RASEF: variants seen among roughly 807,000 people sequenced by gnomAD.
RASEF encodes ras and EF-hand domain-containing protein.
Under a neutral mutation model 90.1 loss-of-function variants are expected in RASEF, and 68 were observed. That is an observed-to-expected ratio of 0.75 (90% CI 0.62 to 0.92). The LOEUF (loss-of-function observed/expected upper bound fraction) is 0.92, where lower values mean the gene tolerates loss of function less well. Among genes scored for constraint, RASEF ranks in the 40% least tolerant of loss-of-function variants. The pLI, the probability that RASEF is intolerant of heterozygous loss-of-function variation, is 0.00. For synonymous variants in RASEF, 331 were observed against 345.2 expected (o/e 0.96, Z 0.46); for missense variants, 949 against 937.2 (o/e 1.01, Z -0.16).
At chr9:83,046,140 T>G (rs1415443879) in intron 1 of RASEF, among the ~76,000 whole-genome samples, 1 of 152,162 alleles carries the variant, frequency 6.6e-6, no homozygotes, top group Non-Finnish European at 1.5e-5. Flanking sequence ...GTTACATAGG[T>G]AAACTCGTGT....
intron 16 of RASEF, among the ~76,000 whole-genome samples, chr9:82,987,364 G>A (rs534960280): frequency 1.3e-5 from 2 of 152,248 alleles, no homozygotes; most frequent in East Asian, 1.9e-4. Context: ...TAAATGATTC[G>A]CAAGAAGCTT....
At chr9:83,133,000 C>A in the RASEF span, among the ~76,000 whole-genome samples, 4 of 152,162 alleles carry the variant, frequency 2.6e-5, no homozygotes, top group African/African-American at 9.7e-5. Context: ...ATTTGCTTTG[C>A]CAATAATAGT....
intron 1 of RASEF, among the ~76,000 whole-genome samples, chr9:83,061,130 TA>T (rs994525200): frequency 6.6e-6 from 1 of 152,218 alleles, no homozygotes; most frequent in African/African-American, 2.4e-5. Context: ...ATGACTCAAA[TA>T]AAGAGTATAG....
At chr9:83,107,019 G>A in the RASEF span, among the ~76,000 whole-genome samples, 1 of 152,126 alleles carries the variant, frequency 6.6e-6, no homozygotes, top group African/African-American at 2.4e-5. Flanking sequence ...TTAAACAAAT[G>A]AGCAGCAACT....
intron 1 of RASEF, among the ~76,000 whole-genome samples, chr9:83,033,263 T>C (rs999636396): frequency 3.3e-5 from 5 of 152,144 alleles, no homozygotes; most frequent in Non-Finnish European, 7.4e-5. Flanking sequence ...ATGAGAGATC[T>C]TGAAAATGCT....
At chr9:83,070,829 G>C in the RASEF span, among the ~76,000 whole-genome samples, 2 of 152,002 alleles carry the variant, frequency 1.3e-5, no homozygotes, top group African/African-American at 4.8e-5. Context: ...TGATTTATAG[G>C]TCTTTCACAT....
At chr9:83,054,799 C>G (rs1830072600) in intron 1 of RASEF, 1 of 150,270 alleles carries the variant, frequency 6.7e-6, no homozygotes, top group South Asian at 2.1e-4. Flanking sequence ...TTGGAATACC[C>G]TGCCGTGTGA....
At chr9:83,069,160 T>G in the RASEF span, among the ~76,000 whole-genome samples, 5 of 152,320 alleles carry the variant, frequency 3.3e-5, no homozygotes, top group South Asian at 1.0e-3. Context: ...ATGAAATTAT[T>G]TCTTAATCAC....
chr9:83,056,724 G>A (rs1445452641), intron 1 of RASEF, among the ~76,000 whole-genome samples: 1 of 152,250 alleles, frequency 6.6e-6, no homozygotes, highest in African/African-American at 2.4e-5. Flanking sequence ...GGAAAAGCTA[G>A]AGAAGAGTCT....
chr9:83,001,098 C>T lies in RASEF; in HGVS notation c.1235G>A (p.Cys412Tyr). ...AGGATCACAGAGGGCCAGGGAGTCA[C>T]AGTCCTCATCCACATAGGAAGAGCG... ...SSRSSYVDED[C>Y]DSLALCDPLQ... The change falls in exon 10 of 17, where the codon TGT becomes TAT. Residue 412 changes from cysteine (C) to tyrosine (Y), a missense_variant. Cys to Tyr is a radical substitution (Grantham distance 194). This residue lies in a region of RASEF where 656 missense variants were observed against 592.2 expected (regional missense o/e 1.11). Coordinates refer to ENST00000376447, the MANE Select transcript of RASEF (RefSeq NM_152573.4). 6.2e-7 allele frequency: 1 copy of T among 1,614,076 alleles called. No individual in the cohort carries two copies. Among genetic ancestry groups the T allele is most frequent in the Middle Eastern group, 1.7e-4 (1 of 6,060 alleles).
the RASEF span, among the ~76,000 whole-genome samples, chr9:83,156,478 A>G: frequency 6.6e-6 from 1 of 151,938 alleles, no homozygotes; most frequent in Non-Finnish European, 1.5e-5. Flanking sequence ...TAGATCTTCA[A>G]CCCCTCTTCT....
At chr9:82,988,352 A>G (rs1828748400) in intron 16 of RASEF, among the ~76,000 whole-genome samples, 1 of 152,326 alleles carries the variant, frequency 6.6e-6, no homozygotes, top group Non-Finnish European at 1.5e-5. Flanking sequence ...ATATTAGTCC[A>G]TGATTCTCCT....
At chr9:83,023,783 T>C (rs2118566498) in intron 2 of RASEF, among the ~76,000 whole-genome samples, 1 of 152,274 alleles carries the variant, frequency 6.6e-6, no homozygotes, top group East Asian at 1.9e-4. Context: ...CACATATCCT[T>C]TCTCCCTCTG....
At chr9:83,012,045 G>A (rs1008358883) in intron 5 of RASEF, among the ~76,000 whole-genome samples, 1 of 151,746 alleles carries the variant, frequency 6.6e-6, no homozygotes, top group African/African-American at 2.4e-5. Flanking sequence ...AGTACTAAAA[G>A]TAGATGTGGC....
the RASEF span, among the ~76,000 whole-genome samples, chr9:83,146,381 T>TA: frequency 6.6e-6 from 1 of 152,218 alleles, no homozygotes; most frequent in East Asian, 1.9e-4. Context: ...TTTCTCCGAA[T>TA]AAAAAAGATT....
upstream of RASEF, among the ~76,000 whole-genome samples, chr9:83,064,115 ATCAT>A (rs1434988373): frequency 3.9e-5 from 6 of 152,270 alleles, no homozygotes; most frequent in East Asian, 1.9e-4. Flanking sequence ...TAAAAATGTG[ATCAT>A]TAAGTAAGGG....
At chr9:83,101,570 G>A in the RASEF span, among the ~76,000 whole-genome samples, 13 of 152,294 alleles carry the variant, frequency 8.5e-5, no homozygotes, top group African/African-American at 3.1e-4. Context: ...AATATATAGT[G>A]CCGATAAGGT....
chr9:83,078,205 A>T, the RASEF span, among the ~76,000 whole-genome samples: 52 of 152,258 alleles, frequency 3.4e-4, no homozygotes, highest in African/African-American at 1.2e-3. Context: ...AGAATCACTG[A>T]CCTCATACAA....
the RASEF span, among the ~76,000 whole-genome samples, chr9:83,214,495 C>T: frequency 1.9e-4 from 29 of 152,196 alleles, no homozygotes; most frequent in Non-Finnish European, 5.9e-5. Context: ...CTACCATGAG[C>T]TATCAATGTC....
Sources: gnomAD v4.1 joint callset for allele counts (sites outside exome capture counted in the v4.1 genomes callset) on GRCh38, gnomAD v4.1.1 for gene constraint, gnomAD v4.1.1 regional missense constraint, MANE v1.5 for transcripts, NCBI Gene and HGNC (gene_info 2026-07-23, HGNC 2026-07-21) for gene names.